The following GATA5 variants were observed in gnomAD, a reference collection of about 807,000 sequenced individuals.
GATA5 encodes GATA binding protein 5.
Under a neutral mutation model 35.0 loss-of-function variants are expected in GATA5, and 27 were observed. The observed-to-expected ratio is 0.77, with a 90% CI of 0.57 to 1.06. GATA5 has a LOEUF of 1.06. Among genes scored for constraint, GATA5 ranks in the 50% least tolerant of loss-of-function variants. GATA5 has a pLI of 0.00. For missense variants in GATA5, 612 were observed against 580.0 expected (o/e 1.06, Z -0.57); for synonymous variants, 306 against 267.8 (o/e 1.14, Z -1.39).
At position 62,475,405 on chromosome 20, in the gene GATA5, G is replaced by T. The variant is rs782504520; in HGVS notation, c.117C>A (p.Val39=). 11 of 1,358,202 alleles carry T rather than the reference G, an allele frequency of 8.1e-6. No individual in the cohort carries two copies. The highest frequency in any genetic ancestry group is 1.0e-5 in the Non-Finnish European group (11 of 1,054,536). 84.1% of individuals were successfully genotyped at this position (1,358,202 alleles called of 1,614,324 possible). A position where few individuals can be genotyped will look rare whatever the true frequency, so the allele number is the denominator to read the frequency against. The change falls in exon 2 of 7, where the codon GTC becomes GTA. Residue 39 remains valine, a synonymous_variant. Transcript: ENST00000252997. ...CGGACAGGTAGGACAGCATCGAGGGGACGCGCGCCGGCGGCACAAACATCG... is the reference window on the plus strand; with the variant it reads ...CGGACAGGTAGGACAGCATCGAGGGTACGCGCGCCGGCGGCACAAACATCG... ...GSPMFVPPAR[V]PSMLSYLSGC... is the part of the protein sequence containing the mutation.
At chr20:62,469,484 T>G (rs1483937568) in intron 3 of GATA5, among the ~76,000 whole-genome samples, 1 of 152,166 alleles carries the variant, frequency 6.6e-6, no homozygotes, top group Non-Finnish European at 1.5e-5. Flanking sequence ...TGCACACACA[T>G]GAGCACACTC....
rs1989542211 is a variant in GATA5 at position 62,464,961 on chromosome 20, G to A, written c.1069C>T (p.Pro357Ser). 2 of 1,610,524 alleles carry A rather than the reference G, an allele frequency of 1.2e-6. No individual in the cohort carries two copies. The highest frequency in any genetic ancestry group is 4.5e-5 in the East Asian group (2 of 44,686). Reference protein sequence around the residue: ...ASGQEDDSLAPGHLEFKFEPE... With the variant: ...ASGQEDDSLASGHLEFKFEPE... Reference sequence around the variant, plus strand: ...TCGAACTTGAACTCCAAGTGGCCGGGGGCAAGAGAGTCATCCTCCTGGCCA... The same window carrying A: ...TCGAACTTGAACTCCAAGTGGCCGGAGGCAAGAGAGTCATCCTCCTGGCCA... Residue 357 changes from proline (P) to serine (S), a missense_variant, in exon 7 of 7, where the codon CCC becomes TCC. Coordinates refer to ENST00000252997, the MANE Select transcript of GATA5 (RefSeq NM_080473.5).
Position 62,464,922 on chromosome 20 carries a change from C to T in GATA5, c.1108G>A (p.Ala370Thr). 6.2e-7 allele frequency: 1 copy of T among 1,610,984 alleles called. No individual in the cohort carries two copies. Among genetic ancestry groups the T allele is most frequent in the Non-Finnish European group, 8.5e-7 (1 of 1,179,166 alleles). ...LEFKFEPEDF[A>T]FPSTAPSPQA... The stretch of plus-strand genomic sequence containing the variant: ...GGGCTTGGGGCCGTGGAGGGGAAGG[C>T]AAAGTCCTCAGGCTCGAACTTGAAC... The change falls in exon 7 of 7, where the codon GCC (alanine) becomes ACC (threonine). Residue 370 changes from alanine to threonine, a missense_variant. By Grantham distance (58) the Ala-to-Thr change is moderately conservative. Transcript: ENST00000252997.
chr20:62,469,824 G>C (rs1989679329), intron 3 of GATA5, among the ~76,000 whole-genome samples: 1 of 152,244 alleles, frequency 6.6e-6, no homozygotes, highest in South Asian at 2.1e-4. Context: ...CTGAGGCTCA[G>C]AGGAGCTGCG....
chr20:62,465,954 C>G, intron 4 of GATA5, 33 bp from the exon 5 acceptor site: 1 of 1,466,376 alleles, frequency 6.8e-7, no homozygotes, highest in Non-Finnish European at 9.3e-7. Flanking sequence ...AGGCTGGTCC[C>G]ATCCCTGCTC....
At chr20:62,468,510 A>T (rs6142651) in intron 3 of GATA5, among the ~76,000 whole-genome samples, 1 of 152,130 alleles carries the variant, frequency 6.6e-6, no homozygotes, top group Non-Finnish European at 1.5e-5. Flanking sequence ...ACCCCCAGCC[A>T]CAGCTGCAGG....
chr20:62,469,241 C>A (rs782166406), intron 3 of GATA5, among the ~76,000 whole-genome samples: 112 of 152,352 alleles, frequency 7.4e-4, no homozygotes, highest in Non-Finnish European at 1.2e-3. Context: ...CATGATGAAT[C>A]CTTTGTCTCC....
chr20:62,464,602 T>C lies in GATA5; in HGVS notation c.*234A>G. On this transcript the variant is annotated 3_prime_UTR_variant, in exon 7 of 7. Transcript: ENST00000252997. ...CCTTGGGCCGCACCTGGGGAGTCCC[T>C]TGCTGTACGTGGGGTGGGAAGCTGA... The C allele has an allele frequency of 7.0e-6, 3 of 426,566 alleles. No individual in the cohort carries two copies. The South Asian group carries it at 1.6e-4, about 22-fold the overall frequency. 26.4% of individuals were successfully genotyped at this position (426,566 alleles called of 1,614,324 possible).
At chr20:62,465,147 G>A (rs905983657) in intron 6 of GATA5, among the ~76,000 whole-genome samples, 156 bp from the exon 7 acceptor site, 1 of 152,186 alleles carries the variant, frequency 6.6e-6, no homozygotes. Flanking sequence ...CCCACGTGAG[G>A]CACTGGGGTT....
rs6089386 is a variant in GATA5, at chr20:62,463,844, T to C, written c.*992A>G. 113,861 of 151,820 alleles carry C rather than the reference T, an allele frequency of 0.75. 43,027 individuals carry two copies. The highest frequency in any genetic ancestry group is 0.84 in the East Asian group (4,330 of 5,164). The allele number at this position is 151,820 out of a possible 1,614,324, so 9.4% of individuals were successfully genotyped here. A position where few individuals can be genotyped will look rare whatever the true frequency, so the allele number is the denominator to read the frequency against. The stretch of plus-strand genomic sequence containing the variant: ...CCTGTGGCTGCCTGCCCCGCTCCTC[T>C]GCTCCCTGTGGCCTCCTGACATACA... On this transcript the variant is annotated 3_prime_UTR_variant, in exon 7 of 7. Coordinates refer to ENST00000252997, the MANE Select transcript of GATA5 (RefSeq NM_080473.5).
At position 62,470,049 on chromosome 20, in the gene GATA5, T is replaced by C. The variant is rs1316066844; in HGVS notation, c.699+3354A>G. 6.6e-6 allele frequency among the ~76,000 whole-genome samples: 1 copy of C among 152,278 alleles called. No homozygotes were observed. Among genetic ancestry groups the C allele is most frequent in the Non-Finnish European group, 1.5e-5 (1 of 68,056 alleles). Reference sequence around the variant, plus strand: ...CCCCCAGGCCTCTCTCCCGGCTGCATTTCGTTTTTCTTTTTTGTCGGTTCT... The same window carrying C: ...CCCCCAGGCCTCTCTCCCGGCTGCACTTCGTTTTTCTTTTTTGTCGGTTCT... On this transcript the variant is annotated intron_variant, in intron 3 of 6. Transcript: ENST00000252997. The surrounding 1 kb of genome is among the most constrained non-coding windows in gnomAD (Gnocchi z 4.6).
chr20:62,467,249 C>T (rs1407769699), intron 3 of GATA5, among the ~76,000 whole-genome samples: 3 of 152,166 alleles, frequency 2.0e-5, no homozygotes, highest in Admixed American at 1.3e-4. Context: ...GCTCAGGAAT[C>T]TGAACTGAGG....
chr20:62,475,450 G>C lies in GATA5; in HGVS notation c.72C>G (p.His24Gln). ...ACATCGGAGAGCCGGCGCCCGGAGC[G>C]TGCAGGAAGGAGCCCGAGTCGGCGT... ...AAYADSGSFL[H>Q]APGAGSPMFV... Residue 24 changes from histidine (H) to glutamine (Q), a missense_variant, in exon 2 of 7, where the codon CAC (histidine) becomes CAG (glutamine). By Grantham distance (24) the His-to-Gln change is conservative. Coordinates refer to ENST00000252997, the MANE Select transcript of GATA5 (RefSeq NM_080473.5). 5.9e-6 allele frequency: 8 copies of C among 1,345,146 alleles called. No homozygotes were observed. The highest frequency in any genetic ancestry group is 1.9e-4 in the Middle Eastern group (1 of 5,148). The allele number at this position is 1,345,146 out of a possible 1,614,324, so 83.3% of individuals were successfully genotyped here.
intron 3 of GATA5, 24 bp from the exon 4 acceptor site, chr20:62,466,575 G>T: frequency 6.5e-7 from 1 of 1,540,398 alleles, no homozygotes; most frequent in Non-Finnish European, 8.7e-7. Context: ...GGAGACTGGA[G>T]TGAGCCCCGG....
In GATA5 at chr20:62,465,939, G is replaced by A; in HGVS notation, c.826-18C>T. ...CGCGGCACCTGGCAGGGGTGGCGAG[G>A]GTGGAGGCTGGTCCCATCCCTGCTC... On this transcript the variant is annotated intron_variant, in intron 4 of 6. Transcript: ENST00000252997. 1.3e-6 allele frequency: 2 copies of A among 1,546,054 alleles called. No homozygotes were observed. Among genetic ancestry groups the A allele is most frequent in the Non-Finnish European group, 1.8e-6 (2 of 1,138,706 alleles).
intron 2 of GATA5, 73 bp from the exon 3 acceptor site, chr20:62,473,651 C>CGAGAT: frequency 7.0e-7 from 1 of 1,432,462 alleles, no homozygotes; most frequent in Non-Finnish European, 9.4e-7. Flanking sequence ...GGGCCGGCAC[C>CGAGAT]CTCCCCTCCC....
Position 62,473,406 on chromosome 20 carries a change from G to A in GATA5, c.696C>T (p.Arg232=), listed in dbSNP as rs1555896744. ...CCTCTGCCCAGCCCGAACTCACCAG[G>A]CGCTTCTGAGGCCGAACGAGCGGCC... ...VNRPLVRPQK[R]LSSSRRAGLC... is the part of the protein sequence containing the mutation. The change falls in exon 3 of 7, where the codon CGC becomes CGT. Residue 232 remains arginine (R), a synonymous_variant. Coordinates refer to ENST00000252997, the MANE Select transcript of GATA5 (RefSeq NM_080473.5). 2 of 1,603,756 alleles carry A rather than the reference G, an allele frequency of 1.2e-6. No individual in the cohort carries two copies. The highest frequency in any genetic ancestry group is 2.2e-5 in the South Asian group (2 of 89,452).
chr20:62,466,405 T>TGCCCC, intron 4 of GATA5, 21 bp downstream of exon 4: 2 of 1,565,408 alleles, frequency 1.3e-6, no homozygotes, highest in Non-Finnish European at 1.7e-6. Context: ...CTCCCCGCCC[T>TGCCCC]GCCCCGGGGA....
At chr20:62,465,559 G>A in intron 5 of GATA5, 95 bp from the exon 6 acceptor site, 2 of 1,477,278 alleles carry the variant, frequency 1.4e-6, no homozygotes, top group South Asian at 1.3e-5. Flanking sequence ...CCGGCCCAGA[G>A]AGGTTTGGAG....
Sources: allele counts gnomAD v4.1 joint callset (sites outside exome capture counted in the v4.1 genomes callset), GRCh38; gene constraint gnomAD v4.1.1; non-coding constraint Gnocchi (gnomAD v3.1); transcripts MANE v1.5; gene names NCBI Gene and HGNC (gene_info 2026-07-23, HGNC 2026-07-21).